ADH7: variants seen among roughly 807,000 people sequenced by gnomAD.
The protein encoded by ADH7 is all-trans-retinol dehydrogenase [NAD(+)] ADH7.
A neutral mutation model predicts 34.4 loss-of-function variants in ADH7; 41 were observed. The observed-to-expected ratio is 1.19, with a 90% CI of 0.93 to 1.55. ADH7 has a LOEUF of 1.55. Among genes scored for constraint, ADH7 ranks in the 40% most tolerant of loss-of-function variants. The pLI is 0.00. For synonymous variants in ADH7, 180 were observed against 160.9 expected (o/e 1.12, Z -0.90); for missense variants, 540 against 461.2 (o/e 1.17, Z -1.56).
chr4:99,429,478 T>A (rs778141909), intron 2 of ADH7, 54 bp downstream of exon 2: 1 of 1,322,446 alleles, frequency 7.6e-7, no homozygotes, highest in Non-Finnish European at 1.1e-6. Context: ...AGTGCTATAT[T>A]CAATATAAGT....
intron 8 of ADH7, among the ~76,000 whole-genome samples, chr4:99,414,526 C>T (rs1295516330): frequency 1.3e-5 from 2 of 152,148 alleles, no homozygotes; most frequent in Non-Finnish European, 2.9e-5. Context: ...TGAATTCATA[C>T]TTGACCTCTA....
intron 6 of ADH7, 118 bp from the exon 7 acceptor site, chr4:99,419,239 T>C (rs1721593956): frequency 7.8e-7 from 1 of 1,274,176 alleles, no homozygotes; most frequent in Non-Finnish European, 1.1e-6. Flanking sequence ...CACCTTGTTT[T>C]TTACTTGCTT....
intron 1 of ADH7, among the ~76,000 whole-genome samples, chr4:99,434,023 T>C (rs1310507963): frequency 6.6e-6 from 1 of 152,184 alleles, no homozygotes; most frequent in Non-Finnish European, 1.5e-5. Context: ...AACCACACTA[T>C]TGCATGACCA....
At chr4:99,415,709 G>C in intron 7 of ADH7, 93 bp from the exon 8 acceptor site, 1 of 1,314,434 alleles carries the variant, frequency 7.6e-7, no homozygotes, top group Non-Finnish European at 1.1e-6. Context: ...CCTGCACTAT[G>C]ACTTTCCCTG....
At chr4:99,423,975 A>T (rs1370696037) in intron 5 of ADH7, among the ~76,000 whole-genome samples, 3 of 151,606 alleles carry the variant, frequency 2.0e-5, no homozygotes, top group African/African-American at 7.3e-5. Flanking sequence ...CTGAATGGTA[A>T]TGCCTAGGTT....
At chr4:99,415,789 G>C (rs1339262140) in intron 7 of ADH7, 173 bp from the exon 8 acceptor site, 3 of 589,306 alleles carry the variant, frequency 5.1e-6, no homozygotes, top group Non-Finnish European at 8.2e-6. Context: ...AAGTTATGCA[G>C]CCATAAAAAA....
At chr4:99,423,086 T>A (rs1032844205) in intron 5 of ADH7, among the ~76,000 whole-genome samples, 2 of 143,552 alleles carry the variant, frequency 1.4e-5, no homozygotes, top group African/African-American at 5.2e-5. Context: ...GTCCATGTGT[T>A]CTCATTGTTC....
At chr4:99,433,746 G>A (rs1721989054) in intron 1 of ADH7, among the ~76,000 whole-genome samples, 1 of 152,130 alleles carries the variant, frequency 6.6e-6, no homozygotes. Flanking sequence ...ACAGGCCTCA[G>A]AAGAAACCAA....
intron 5 of ADH7, among the ~76,000 whole-genome samples, chr4:99,426,116 T>C (rs1721798803): frequency 6.6e-6 from 1 of 152,078 alleles, no homozygotes; most frequent in Non-Finnish European, 1.5e-5. Flanking sequence ...AGGAAAGATC[T>C]AAAATTGACA....
chr4:99,424,553 C>G (rs370457023), intron 5 of ADH7, among the ~76,000 whole-genome samples: 4 of 152,004 alleles, frequency 2.6e-5, no homozygotes, highest in Non-Finnish European at 5.9e-5. Context: ...CTTTTATTTC[C>G]TTGAGCAGTG....
At chr4:99,416,456 C>G (rs1308078156) in intron 7 of ADH7, among the ~76,000 whole-genome samples, 1 of 152,134 alleles carries the variant, frequency 6.6e-6, no homozygotes, top group Non-Finnish European at 1.5e-5. Context: ...ATAACTGATA[C>G]TGTTGGTGGC....
intron 5 of ADH7, among the ~76,000 whole-genome samples, chr4:99,426,303 A>G (rs756979510): frequency 2.0e-5 from 3 of 152,214 alleles, no homozygotes; most frequent in Non-Finnish European, 4.4e-5. Flanking sequence ...CAAAATTGAT[A>G]GACCGCTAGC....
rs181887280 is a variant in ADH7 at position 99,427,664 on chromosome 4, A to T, written c.564+109T>A. 4,224 of 825,786 alleles carry T rather than the reference A, an allele frequency of 5.1e-3. 29 individuals are homozygous for T. The highest frequency in any genetic ancestry group is 5.1e-3 in the Non-Finnish European group (3,001 of 591,898). 51.2% of individuals were successfully genotyped at this position (825,786 alleles called of 1,614,324 possible). On this transcript the variant is annotated intron_variant, in intron 5 of 8. Coordinates refer to ENST00000437033, the MANE Select transcript of ADH7 (RefSeq NM_000673.7). The stretch of plus-strand genomic sequence containing the variant: ...TGTTGCTTGGCAGCCTGAATATGCA[A>T]TACATTCTTTTAAATGTTTTTTTTT...
chr4:99,419,093 T>A lies in ADH7; in HGVS notation c.854A>T (p.Asn285Ile). The A allele has an allele frequency of 6.2e-7, 1 of 1,613,764 alleles. No individual in the cohort carries two copies. The highest frequency in any genetic ancestry group is 8.5e-7 in the Non-Finnish European group (1 of 1,179,824). ...TCCTACAACCACGCTGGTCCCATAG[T>A]TCATGTGGCAGGATGCCAGGGCATC... ...MIDALASCHM[N>I]YGTSVVVGVP... The change falls in exon 7 of 9, where the codon AAC becomes ATC. Residue 285 changes from asparagine to isoleucine, a missense_variant. Asn to Ile is a moderately radical substitution (Grantham distance 149). Transcript: ENST00000437033.
Position 99,415,518 on chromosome 4 carries a change from T to G in ADH7, c.1060A>C (p.Lys354Gln). The change falls in exon 8 of 9, where the codon AAA (lysine) becomes CAA (glutamine). Residue 354 changes from lysine (K) to glutamine (Q), a missense_variant. Physicochemically the swap from Lys to Gln is moderately conservative, Grantham distance 53. Transcript: ENST00000437033. ...AGCAGCTCAAATCCTTCACTGATTTTTTTAAATGGTAAAACATGAGTTATC... is the reference window on the plus strand; with the variant it reads ...AGCAGCTCAAATCCTTCACTGATTTGTTTAAATGGTAAAACATGAGTTATC... ...QLITHVLPFKKISEGFELLNS... is the reference protein window; with the variant it reads ...QLITHVLPFKQISEGFELLNS... The G allele has an allele frequency of 6.2e-7, 1 of 1,613,504 alleles. No individual in the cohort carries two copies.
chr4:99,425,126 C>T (rs1347385955), intron 5 of ADH7, among the ~76,000 whole-genome samples: 6 of 151,812 alleles, frequency 4.0e-5, no homozygotes, highest in East Asian at 1.9e-4. Flanking sequence ...TAAAGACCAT[C>T]GAGACTAGGA....
chr4:99,418,923 C>T, intron 7 of ADH7, 63 bp downstream of exon 7: 1 of 1,584,102 alleles, frequency 6.3e-7, no homozygotes, highest in Non-Finnish European at 8.6e-7. Context: ...ACAGGCTTCT[C>T]CCACTTGCCA....
At chr4:99,432,157 C>A (rs1203806348) in intron 1 of ADH7, among the ~76,000 whole-genome samples, 1 of 152,100 alleles carries the variant, frequency 6.6e-6, no homozygotes, top group Non-Finnish European at 1.5e-5. Flanking sequence ...AGATCATATT[C>A]TTTGCAGGGA....
intron 1 of ADH7, 38 bp downstream of exon 1, chr4:99,435,178 A>C (rs760415469): frequency 2.5e-6 from 4 of 1,607,378 alleles, no homozygotes; most frequent in Non-Finnish European, 3.4e-6. Flanking sequence ...TCACATCATT[A>C]GGTCATGATG....
Sources: gnomAD v4.1 joint callset for allele counts (sites outside exome capture counted in the v4.1 genomes callset) on GRCh38, gnomAD v4.1.1 for gene constraint, MANE v1.5 for transcripts, NCBI Gene and HGNC (gene_info 2026-07-23, HGNC 2026-07-21) for gene names.